Variants in PCDHGA10 observed in about 807,000 individuals in gnomAD.
The protein encoded by PCDHGA10 is protocadherin gamma-A10.
Under a neutral mutation model 59.5 loss-of-function variants are expected in PCDHGA10, and 42 were observed. The ratio of observed to expected loss-of-function variants is 0.71; its 90% CI spans 0.55 to 0.91. The LOEUF is 0.91. Ranked by LOEUF, PCDHGA10 falls within the 40% of genes least tolerant of loss-of-function variation. The probability of loss-of-function intolerance (pLI) is 0.00; values close to 1 mark genes in which losing one functional copy is unlikely to be tolerated. For missense variants in PCDHGA10, 1,111 were observed against 1,198.2 expected, an observed-to-expected ratio of 0.93 and a Z score of 1.07; for synonymous variants, 511 against 517.2, an observed-to-expected ratio of 0.99 and a Z score of 0.16.
rs758515649 is a variant in PCDHGA10 at position 141,432,368 on chromosome 5, A to G, written c.2436+16757A>G. On this transcript the variant is annotated intron_variant, in intron 1 of 3. Coordinates refer to ENST00000398610, the MANE Select transcript of PCDHGA10 (RefSeq NM_018913.3). This position sits in a 1 kb window ranked among gnomAD's most constrained non-coding sequence, Gnocchi z 6.0. ...GCAAGTGAAAGTGATGGCGCGGGAC[A>G]ACGGGCACCCGCCCCTCAGCAGCAA... 1.2e-6 allele frequency: 2 copies of G among 1,614,110 alleles called. No homozygotes were observed. Among genetic ancestry groups the G allele is most frequent in the Non-Finnish European group, 1.7e-6 (2 of 1,180,054 alleles).
intron 1 of PCDHGA10, chr5:141,427,495 C>T: frequency 1.8e-6 from 1 of 562,648 alleles, no homozygotes; most frequent in South Asian, 1.5e-5. Flanking sequence ...AAGCTTGTAA[C>T]AGATGGGACC....
intron 1 of PCDHGA10, chr5:141,427,749 A>G (rs770208196): frequency 4.6e-6 from 6 of 1,299,142 alleles, no homozygotes; most frequent in South Asian, 2.4e-5. Context: ...CTCCTACTCC[A>G]TCGTTACCAC....
chr5:141,482,609 A>G (rs2099569274), intron 1 of PCDHGA10, among the ~76,000 whole-genome samples: 1 of 151,770 alleles, frequency 6.6e-6, no homozygotes, highest in African/African-American at 2.4e-5. Context: ...AAACACCTAA[A>G]TGAGCCTGGA....
chr5:141,491,980 C>A lies in PCDHGA10; in HGVS notation c.2437-2827C>A. On this transcript the variant is annotated intron_variant, in intron 1 of 3. Coordinates refer to ENST00000398610, the MANE Select transcript of PCDHGA10 (RefSeq NM_018913.3). This position sits in a 1 kb window ranked among gnomAD's most constrained non-coding sequence, Gnocchi z 6.9. ...AAAAAAGGCCGGGGCCTCCTTCGAGCTTCCGGTGAATTTCGGGCGATTTCC... is the reference window on the plus strand; with the variant it reads ...AAAAAAGGCCGGGGCCTCCTTCGAGATTCCGGTGAATTTCGGGCGATTTCC... 1.3e-6 allele frequency: 1 copy of A among 784,426 alleles called. No homozygotes were observed. Among genetic ancestry groups the A allele is most frequent in the Non-Finnish European group, 1.9e-6 (1 of 530,582 alleles). The allele number at this position is 784,426 out of a possible 1,614,324, so 48.6% of individuals were successfully genotyped here.
At chr5:141,417,626 T>A (rs1156653216) in intron 1 of PCDHGA10, 3 of 689,458 alleles carry the variant, frequency 4.4e-6, no homozygotes, top group Non-Finnish European at 6.8e-6. Context: ...GAGCAAGCGC[T>A]GACGCCGGGG....
rs1192987646 is a variant in PCDHGA10, at chr5:141,423,758, G to A, written c.2436+8147G>A. Reference sequence around the variant, plus strand: ...CTGTTATGAAAACTGTTTGGGGGGGGGGTGGGGCGGCATATATTTAGTTCA... The same window carrying A: ...CTGTTATGAAAACTGTTTGGGGGGGAGGTGGGGCGGCATATATTTAGTTCA... On this transcript the variant is annotated intron_variant, in intron 1 of 3. Coordinates refer to ENST00000398610, the MANE Select transcript of PCDHGA10 (RefSeq NM_018913.3). 8.2e-5 allele frequency: 30 copies of A among 366,770 alleles called. 3 individuals are homozygous for A. Among genetic ancestry groups the A allele is most frequent in the Non-Finnish European group, 1.1e-4 (29 of 259,742 alleles). The allele number at this position is 366,770 out of a possible 1,614,324, so 22.7% of individuals were successfully genotyped here.
rs773763605 is a variant in PCDHGA10, at chr5:141,476,631, A to G, written c.2437-18176A>G. On this transcript the variant is annotated intron_variant, in intron 1 of 3. Transcript: ENST00000398610. The surrounding 1 kb of genome is among the most constrained non-coding windows in gnomAD (Gnocchi z 7.6). ...GTGGGAAGCAACTCTTTACAAACCT[A>G]TGAGCTGAGCCGAAATGAATACTTT... The G allele has an allele frequency of 2.5e-6, 4 of 1,614,224 alleles. No individual in the cohort carries two copies. Among genetic ancestry groups the G allele is most frequent in the Admixed American group, 1.7e-5 (1 of 60,032 alleles).
chr5:141,486,598 C>T lies in PCDHGA10; in HGVS notation c.2437-8209C>T. 2 of 1,613,604 alleles carry T rather than the reference C, an allele frequency of 1.2e-6. No homozygotes were observed. Among genetic ancestry groups the T allele is most frequent in the Non-Finnish European group, 1.7e-6 (2 of 1,179,998 alleles). ...ACAATCGCCCAGGGGACCTGCTTTG[C>T]TCCCTTGCAGCCTCTGACCCAGACT... On this transcript the variant is annotated intron_variant, in intron 1 of 3. Transcript: ENST00000398610. The surrounding 1 kb of genome is among the most constrained non-coding windows in gnomAD (Gnocchi z 5.0).
At position 141,491,766 on chromosome 5, in the gene PCDHGA10, T is replaced by G. The variant is rs772444495; in HGVS notation, c.2437-3041T>G. On this transcript the variant is annotated intron_variant, in intron 1 of 3. Coordinates refer to ENST00000398610, the MANE Select transcript of PCDHGA10 (RefSeq NM_018913.3). This position sits in a 1 kb window ranked among gnomAD's most constrained non-coding sequence, Gnocchi z 6.9. ...GCACTGGAGAAGCCGCCCGTCCTCA[T>G]AAGGGATTGAACTTGCATCCACTCC... The G allele has an allele frequency of 1.9e-6, 3 of 1,567,856 alleles. No homozygotes were observed. Among genetic ancestry groups the G allele is most frequent in the Non-Finnish European group, 8.6e-7 (1 of 1,158,088 alleles).
intron 1 of PCDHGA10, chr5:141,423,100 G>C (rs2096709499): frequency 6.2e-7 from 1 of 1,613,944 alleles, no homozygotes; most frequent in Non-Finnish European, 8.5e-7. Context: ...GGAGCACACG[G>C]GCGAGGTGCG....
chr5:141,432,584 C>T lies in PCDHGA10; in HGVS notation c.2436+16973C>T, dbSNP rs762935149. The T allele has an allele frequency of 2.3e-5, 37 of 1,613,854 alleles. No individual in the cohort carries two copies. The highest frequency in any genetic ancestry group is 3.3e-4 in the Middle Eastern group (2 of 6,018). On this transcript the variant is annotated intron_variant, in intron 1 of 3. Coordinates refer to ENST00000398610, the MANE Select transcript of PCDHGA10 (RefSeq NM_018913.3). The surrounding 1 kb of genome is among the most constrained non-coding windows in gnomAD (Gnocchi z 6.0). ...GAACGCCTGGCTGTCCTACCGTCTG[C>T]TCAAGGCCAGCGAGCCGGGACTCTT...
chr5:141,420,540 A>G, intron 1 of PCDHGA10: 1 of 306,814 alleles, frequency 3.3e-6, no homozygotes, highest in Non-Finnish European at 5.7e-6. Context: ...AAAAATATAA[A>G]ATACAGGTAT....
Position 141,491,529 on chromosome 5 carries a change from G to T in PCDHGA10, c.2437-3278G>T, listed in dbSNP as rs1157770121. ...GCACGCTCAAGTACATGGAGGTGAC[G>T]CTGCGGCCCACAGACTCGCAGAGCC... On this transcript the variant is annotated intron_variant, in intron 1 of 3. Transcript: ENST00000398610. This position sits in a 1 kb window ranked among gnomAD's most constrained non-coding sequence, Gnocchi z 6.9. The T allele has an allele frequency of 6.2e-7, 1 of 1,614,040 alleles. No individual in the cohort carries two copies. The highest frequency in any genetic ancestry group is 1.1e-5 in the South Asian group (1 of 91,080).
At chr5:141,453,871 A>T (rs561367146) in intron 1 of PCDHGA10, among the ~76,000 whole-genome samples, 8 of 152,364 alleles carry the variant, frequency 5.3e-5, no homozygotes, top group African/African-American at 1.9e-4. Flanking sequence ...ACAGATGAGC[A>T]AAATAATGTG....
intron 1 of PCDHGA10, chr5:141,478,008 C>T: frequency 6.2e-7 from 1 of 1,614,124 alleles, no homozygotes; most frequent in Non-Finnish European, 8.5e-7. Flanking sequence ...ATCAGTACTG[C>T]CCGTCCAGTC....
Position 141,414,286 on chromosome 5 carries a change from G to T in PCDHGA10, c.1111G>T (p.Ala371Ser), listed in dbSNP as rs2095728607. The change falls in exon 1 of 4, where the codon GCC (alanine) becomes TCC (serine). Residue 371 changes from alanine to serine, a missense_variant. By Grantham distance (99) the Ala-to-Ser change is moderately conservative. Transcript: ENST00000398610. Reference sequence around the variant, plus strand: ...AGATTCACCTCTGGGAACAGTCGTAGCCCTTTTAAATGTGCATGATTTAGA... The same window carrying T: ...AGATTCACCTCTGGGAACAGTCGTATCCCTTTTAAATGTGCATGATTTAGA... ...TEDSPLGTVV[A>S]LLNVHDLDSE... 1.2e-6 allele frequency: 2 copies of T among 1,613,466 alleles called. No homozygotes were observed. The highest frequency in any genetic ancestry group is 1.7e-6 in the Non-Finnish European group (2 of 1,179,778).
chr5:141,443,244 G>A (rs1277982376), intron 1 of PCDHGA10, among the ~76,000 whole-genome samples: 4 of 151,542 alleles, frequency 2.6e-5, no homozygotes, highest in African/African-American at 9.7e-5. Flanking sequence ...ACTTTGGGGC[G>A]CCAAGGCGGG....
rs376101780 is a variant in PCDHGA10, at chr5:141,485,901, A to G, written c.2437-8906A>G. 3 of 1,614,026 alleles carry G rather than the reference A, an allele frequency of 1.9e-6. No homozygotes were observed. In the African/African-American group the frequency reaches 4.0e-5, roughly 22 times the overall value. Reference sequence around the variant, plus strand: ...GTAAACGACAACGCCCCAGCCTTCCAGCAATCCAGCTACAGGATTAGTGTG... The same window carrying G: ...GTAAACGACAACGCCCCAGCCTTCCGGCAATCCAGCTACAGGATTAGTGTG... On this transcript the variant is annotated intron_variant, in intron 1 of 3. Coordinates refer to ENST00000398610, the MANE Select transcript of PCDHGA10 (RefSeq NM_018913.3). This position sits in a 1 kb window ranked among gnomAD's most constrained non-coding sequence, Gnocchi z 5.7.
At chr5:141,449,273 C>T (rs1168190907) in intron 1 of PCDHGA10, among the ~76,000 whole-genome samples, 1 of 151,982 alleles carries the variant, frequency 6.6e-6, no homozygotes, top group Non-Finnish European at 1.5e-5. Flanking sequence ...ACTGTATCTC[C>T]TTCACCCGGA....
Sources: gnomAD v4.1 joint callset for allele counts (sites outside exome capture counted in the v4.1 genomes callset) on GRCh38, gnomAD v4.1.1 for gene constraint, Gnocchi (gnomAD v3.1) non-coding constraint, MANE v1.5 for transcripts, NCBI Gene and HGNC (gene_info 2026-07-23, HGNC 2026-07-21) for gene names.